Variants in TSHZ2 observed in about 807,000 individuals in gnomAD.
TSHZ2 encodes teashirt homolog 2.
TSHZ2 carries 21 observed loss-of-function variants against 74.4 expected under a neutral mutation model. That is an observed-to-expected ratio of 0.28 (90% CI 0.20 to 0.41). The LOEUF (loss-of-function observed/expected upper bound fraction) is 0.41, where lower values mean the gene tolerates loss of function less well. Among genes scored for constraint, TSHZ2 ranks in the 10% least tolerant of loss-of-function variants. The pLI is 1.00. For synonymous variants in TSHZ2, 540 were observed against 515.3 expected, an observed-to-expected ratio of 1.05 and a Z score of -0.65; for missense variants, 1,244 against 1,293.5, an observed-to-expected ratio of 0.96 and a Z score of 0.59.
At chr20:53,158,325 A>G (rs1237532061) in intron 1 of TSHZ2, among the ~76,000 whole-genome samples, 3 of 152,284 alleles carry the variant, frequency 2.0e-5, no homozygotes, top group East Asian at 3.9e-4. Flanking sequence ...GGTTTGGGGC[A>G]GGAGAAAAGC....
At chr20:53,167,859 G>C (rs1988099484) in intron 1 of TSHZ2, among the ~76,000 whole-genome samples, 3 of 152,250 alleles carry the variant, frequency 2.0e-5, no homozygotes, top group Admixed American at 2.0e-4. Flanking sequence ...CACCAAATTG[G>C]AATAAAGAAG....
rs528121590 is a variant in TSHZ2, at chr20:53,272,710, C to T, written c.*8+16139C>T. ...GATGTAAGAAACATTTCCAGCCTGCCGTAGAAAGGACTAACACTCTGCCAG... is the reference window on the plus strand; with the variant it reads ...GATGTAAGAAACATTTCCAGCCTGCTGTAGAAAGGACTAACACTCTGCCAG... On this transcript the variant is annotated intron_variant, in intron 2 of 2. Coordinates refer to ENST00000371497, the MANE Select transcript of TSHZ2 (RefSeq NM_173485.6). Among the ~76,000 whole-genome samples, 30 of 152,202 alleles carry T rather than the reference C, an allele frequency of 2.0e-4. No homozygotes were observed. The Middle Eastern group carries it at 0.014, about 69-fold the overall frequency.
chr20:52,994,732 G>T (rs76383530), intron 1 of TSHZ2, among the ~76,000 whole-genome samples: 7 of 152,070 alleles, frequency 4.6e-5, no homozygotes, highest in Non-Finnish European at 8.8e-5. Flanking sequence ...TTTTTCCCTG[G>T]TTGGCCACTC....
intron 2 of TSHZ2, among the ~76,000 whole-genome samples, chr20:53,435,563 G>C (rs780390891): frequency 4.6e-5 from 7 of 152,124 alleles, no homozygotes; most frequent in Non-Finnish European, 1.0e-4. Context: ...GCCCAGGCTG[G>C]AGTGCAGTGG....
intron 1 of TSHZ2, among the ~76,000 whole-genome samples, chr20:53,104,696 T>C (rs1986313870): frequency 6.6e-6 from 1 of 152,182 alleles, no homozygotes; most frequent in African/African-American, 2.4e-5. Context: ...GTGAAGAACT[T>C]ATTACGGAGG....
intron 1 of TSHZ2, among the ~76,000 whole-genome samples, chr20:53,188,079 C>T (rs1161351254): frequency 6.6e-6 from 1 of 152,164 alleles, no homozygotes; most frequent in African/African-American, 2.4e-5. Context: ...TCAGAACAGG[C>T]AGTTTGTCAG....
chr20:53,089,000 C>T (rs1055259968), intron 1 of TSHZ2, among the ~76,000 whole-genome samples: 7 of 152,080 alleles, frequency 4.6e-5, no homozygotes, highest in African/African-American at 1.2e-4. Flanking sequence ...ATCATAGCAA[C>T]GGCTCCTTGA....
chr20:53,212,550 G>A (rs879894389), intron 1 of TSHZ2, among the ~76,000 whole-genome samples: 1 of 152,050 alleles, frequency 6.6e-6, no homozygotes, highest in Non-Finnish European at 1.5e-5. Context: ...CGAGGGGGAG[G>A]GATATCGTTT....
At chr20:53,322,510 CT>C in intron 2 of TSHZ2, among the ~76,000 whole-genome samples, 1 of 150,340 alleles carries the variant, frequency 6.7e-6, no homozygotes, top group East Asian at 1.9e-4. Flanking sequence ...AAGACCCTGT[CT>C]CAAAAAAAAA....
intron 2 of TSHZ2, among the ~76,000 whole-genome samples, chr20:53,413,825 T>TA (rs1983140576): frequency 6.6e-6 from 1 of 152,194 alleles, no homozygotes; most frequent in African/African-American, 2.4e-5. Context: ...ACCTTTGTGT[T>TA]AAAAATAATA....
chr20:53,395,114 A>AT (rs1982402282), intron 2 of TSHZ2, among the ~76,000 whole-genome samples: 1 of 152,226 alleles, frequency 6.6e-6, no homozygotes, highest in Non-Finnish European at 1.5e-5. Flanking sequence ...AGGTGAAATG[A>AT]TAAAAAGAAT....
rs550328360 is a variant in TSHZ2 at position 53,465,428 on chromosome 20, A to G, written c.*9-21716A>G. On this transcript the variant is annotated intron_variant, in intron 2 of 2. Coordinates refer to ENST00000371497, the MANE Select transcript of TSHZ2 (RefSeq NM_173485.6). ...TGGGACTACAGGCACCCACCACCAC[A>G]CCCGACTAATTTTTGTATTTTTAGT... Among the ~76,000 whole-genome samples the G allele has an allele frequency of 9.2e-5, 14 of 151,952 alleles. No individual in the cohort carries two copies. In the East Asian group the frequency reaches 2.5e-3, roughly 27 times the overall value.
At chr20:53,291,051 T>C (rs73150693) in intron 2 of TSHZ2, among the ~76,000 whole-genome samples, 7,032 of 152,256 alleles carry the variant, frequency 0.046, 246 homozygotes, top group African/African-American at 0.094. Context: ...AGCTGCTTAG[T>C]GAGGGTAGAT....
At chr20:53,112,563 C>A (rs1032875662) in intron 1 of TSHZ2, among the ~76,000 whole-genome samples, 5 of 152,162 alleles carry the variant, frequency 3.3e-5, no homozygotes, top group African/African-American at 1.2e-4. Flanking sequence ...GAGTCTCACT[C>A]TGTTGCCCAG....
At chr20:53,273,860 G>A (rs929574648) in intron 2 of TSHZ2, among the ~76,000 whole-genome samples, 3 of 152,206 alleles carry the variant, frequency 2.0e-5, no homozygotes, top group African/African-American at 7.2e-5. Flanking sequence ...GCTTCACACT[G>A]TGGGGCCCCG....
chr20:53,058,642 T>TAA (rs1248399719), intron 1 of TSHZ2, among the ~76,000 whole-genome samples: 1 of 152,194 alleles, frequency 6.6e-6, no homozygotes, highest in Non-Finnish European at 1.5e-5. Context: ...CACCATGGAC[T>TAA]AAAGCCCCAA....
chr20:53,167,334 T>G (rs183064803), intron 1 of TSHZ2, among the ~76,000 whole-genome samples: 1 of 152,354 alleles, frequency 6.6e-6, no homozygotes, highest in African/African-American at 2.4e-5. Context: ...CTTCTGATCT[T>G]CACACCAACC....
intron 1 of TSHZ2, among the ~76,000 whole-genome samples, chr20:53,174,948 G>A (rs536446898): frequency 3.9e-5 from 6 of 152,080 alleles, no homozygotes; most frequent in Middle Eastern, 3.4e-3. Flanking sequence ...ATTTCTGAGG[G>A]TCTGAATAAA....
chr20:53,319,392 T>G (rs1600808148), intron 2 of TSHZ2, among the ~76,000 whole-genome samples: 1 of 152,324 alleles, frequency 6.6e-6, no homozygotes, highest in African/African-American at 2.4e-5. Context: ...ACACTCCCAT[T>G]TTACAGATGA....
Sources: allele counts gnomAD v4.1 joint callset (sites outside exome capture counted in the v4.1 genomes callset), GRCh38; gene constraint gnomAD v4.1.1; transcripts MANE v1.5; gene names NCBI Gene and HGNC (gene_info 2026-07-23, HGNC 2026-07-21).